Variants in AMD1 observed in about 807,000 individuals in gnomAD.
AMD1 encodes adenosylmethionine decarboxylase 1, also known as S-adenosylmethionine decarboxylase proenzyme.
AMD1 carries 11 observed loss-of-function variants against 40.2 expected under a neutral mutation model. The ratio of observed to expected loss-of-function variants is 0.27; its 90% confidence interval spans 0.17 to 0.45. The LOEUF is 0.45. AMD1 is among the 20% of genes least tolerant of loss of function. The pLI is 1.00. For synonymous variants in AMD1, 121 were observed against 130.8 expected (o/e 0.93, Z 0.51); for missense variants, 257 against 410.2 (o/e 0.63, Z 3.23).
the AMD1 span, among the ~76,000 whole-genome samples, chr6:110,845,200 G>A: frequency 2.0e-5 from 3 of 151,900 alleles, no homozygotes; most frequent in Non-Finnish European, 4.4e-5. Context: ...CACCACGCCC[G>A]GCTAATTTTT....
the AMD1 span, among the ~76,000 whole-genome samples, chr6:110,828,945 G>A: frequency 5.3e-5 from 8 of 152,304 alleles, no homozygotes; most frequent in South Asian, 1.0e-3. Context: ...GCCAAGGCGT[G>A]CAGATAACAA....
intron 1 of AMD1, among the ~76,000 whole-genome samples, chr6:110,882,427 C>T (rs1359917789): frequency 1.3e-5 from 2 of 152,146 alleles, no homozygotes; most frequent in Non-Finnish European, 2.9e-5. Context: ...TAACCATAGT[C>T]AATGTATAAA....
the AMD1 span, among the ~76,000 whole-genome samples, chr6:110,862,072 T>C: frequency 4.8e-5 from 7 of 147,002 alleles, no homozygotes; most frequent in African/African-American, 1.8e-4. Flanking sequence ...CCGGCTGGAG[T>C]GCAGTAGCGT....
At position 110,874,822 on chromosome 6, in the gene AMD1, G is replaced by C. The variant is rs1785006987; in HGVS notation, c.-284G>C. Reference sequence around the variant, plus strand: ...TGGCCGGCGACATTAGCTAGCGCTCGCTCTACTCTCTCTAACGGGAAAGCA... The same window carrying C: ...TGGCCGGCGACATTAGCTAGCGCTCCCTCTACTCTCTCTAACGGGAAAGCA... On this transcript the variant is annotated 5_prime_UTR_variant, in exon 1 of 9. Transcript: ENST00000368885. 2 of 338,986 alleles carry C rather than the reference G, an allele frequency of 5.9e-6. No individual in the cohort carries two copies. The highest frequency in any genetic ancestry group is 4.5e-5 in the Admixed American group (1 of 22,270). 21.0% of individuals were successfully genotyped at this position (338,986 alleles called of 1,614,324 possible). A position where few individuals can be genotyped will look rare whatever the true frequency, so the allele number is the denominator to read the frequency against.
At chr6:110,859,275 G>A in the AMD1 span, 1 of 369,684 alleles carries the variant, frequency 2.7e-6, no homozygotes, top group South Asian at 3.1e-5. Flanking sequence ...GAGTGGCGGT[G>A]TGGGATCAGG....
chr6:110,883,463 G>C (rs560757154), intron 1 of AMD1, among the ~76,000 whole-genome samples: 3 of 152,212 alleles, frequency 2.0e-5, no homozygotes, highest in Middle Eastern at 3.2e-3. Flanking sequence ...AGGCCCCTTT[G>C]AATCAGAGTG....
At chr6:110,845,961 G>A in the AMD1 span, among the ~76,000 whole-genome samples, 2 of 152,216 alleles carry the variant, frequency 1.3e-5, no homozygotes, top group Non-Finnish European at 2.9e-5. Flanking sequence ...CAGATTTTAG[G>A]CCGGGCGTGA....
At chr6:110,827,600 A>C in the AMD1 span, among the ~76,000 whole-genome samples, 1 of 151,780 alleles carries the variant, frequency 6.6e-6, no homozygotes, top group Non-Finnish European at 1.5e-5. Context: ...CCCCGTCTCT[A>C]CTAAAAAGGC....
chr6:110,846,415 C>T, the AMD1 span, among the ~76,000 whole-genome samples: 2 of 152,142 alleles, frequency 1.3e-5, no homozygotes, highest in Non-Finnish European at 2.9e-5. Flanking sequence ...GAATTATATA[C>T]ATGAAGCCAC....
the AMD1 span, among the ~76,000 whole-genome samples, chr6:110,820,091 G>A: frequency 1.3e-5 from 2 of 152,252 alleles, no homozygotes; most frequent in East Asian, 3.9e-4. Flanking sequence ...TGTTTATCAT[G>A]TAACCAAGAA....
the AMD1 span, among the ~76,000 whole-genome samples, chr6:110,829,102 G>A: frequency 4.7e-5 from 7 of 150,374 alleles, no homozygotes; most frequent in East Asian, 4.0e-4. Flanking sequence ...CCTGACAGGC[G>A]GAGGTTGCAG....
the AMD1 span, among the ~76,000 whole-genome samples, chr6:110,847,038 G>GGA: frequency 6.9e-6 from 1 of 144,680 alleles, no homozygotes; most frequent in Middle Eastern, 3.5e-3. Flanking sequence ...AAAAGAACTA[G>GGA]GAGAGTGTGT....
At chr6:110,866,813 CT>C in the AMD1 span, among the ~76,000 whole-genome samples, 1 of 151,564 alleles carries the variant, frequency 6.6e-6, no homozygotes, top group Non-Finnish European at 1.5e-5. Context: ...TCCAACAACA[CT>C]TTCTTTTTTT....
At chr6:110,867,524 C>T in the AMD1 span, among the ~76,000 whole-genome samples, 2 of 152,206 alleles carry the variant, frequency 1.3e-5, no homozygotes, top group East Asian at 3.9e-4. Flanking sequence ...ATTAGCCAGG[C>T]ATGTTGGCAG....
At chr6:110,827,486 C>A in the AMD1 span, among the ~76,000 whole-genome samples, 1 of 151,562 alleles carries the variant, frequency 6.6e-6, no homozygotes, top group Admixed American at 6.6e-5. Flanking sequence ...TACAAGAGGC[C>A]GGGTGTGGTG....
the AMD1 span, among the ~76,000 whole-genome samples, chr6:110,845,621 A>C: frequency 6.6e-6 from 1 of 152,150 alleles, no homozygotes; most frequent in Non-Finnish European, 1.5e-5. Context: ...TTAAACTCCT[A>C]ATAATTTTCT....
chr6:110,891,919 T>G (rs1786041451), intron 4 of AMD1: 1 of 522,200 alleles, frequency 1.9e-6, no homozygotes, highest in Non-Finnish European at 3.4e-6. Flanking sequence ...CTTTTTGTAT[T>G]TTTAGTAGCG....
the AMD1 span, among the ~76,000 whole-genome samples, chr6:110,868,217 G>A: frequency 4.0e-5 from 6 of 151,626 alleles, no homozygotes; most frequent in East Asian, 3.9e-4. Context: ...GTGCGATCTC[G>A]GCTCACTGCA....
chr6:110,891,120 C>G (rs1190903773), intron 4 of AMD1: 1 of 152,208 alleles, frequency 6.6e-6, no homozygotes, highest in Non-Finnish European at 1.5e-5. Flanking sequence ...TTGTTTGAGA[C>G]AAGTTTCACT....
Sources: allele counts gnomAD v4.1 joint callset (sites outside exome capture counted in the v4.1 genomes callset), GRCh38; gene constraint gnomAD v4.1.1; transcripts MANE v1.5; gene names NCBI Gene and HGNC (gene_info 2026-07-23, HGNC 2026-07-21).